The following RCOR3 variants were observed in gnomAD, a reference collection of about 807,000 sequenced individuals.
The protein encoded by RCOR3 is REST corepressor 3.
RCOR3 carries 13 observed loss-of-function variants against 64.1 expected under a neutral mutation model. That is an observed-to-expected ratio of 0.20 (90% confidence interval 0.13 to 0.32). The LOEUF (loss-of-function observed/expected upper bound fraction) is 0.32. Among genes scored for constraint, RCOR3 ranks in the 10% least tolerant of loss-of-function variants. RCOR3 has a pLI of 1.00. For synonymous variants in RCOR3, 215 were observed against 239.0 expected, an observed-to-expected ratio of 0.90 and a Z score of 0.93; for missense variants, 489 against 701.2, an observed-to-expected ratio of 0.70 and a Z score of 3.42.
At chr1:211,291,913 G>C (rs1699285471) in intron 8 of RCOR3, among the ~76,000 whole-genome samples, 1 of 152,144 alleles carries the variant, frequency 6.6e-6, no homozygotes, top group East Asian at 1.9e-4. Flanking sequence ...GAGGCCAGGA[G>C]TTTGACACCA....
chr1:211,303,002 G>A (rs1225851807), intron 9 of RCOR3: 2 of 151,376 alleles, frequency 1.3e-5, no homozygotes, highest in Non-Finnish European at 2.9e-5. Context: ...CATAGTTTTT[G>A]TCCTATTCTC....
chr1:211,288,434 T>C (rs1698818788), intron 7 of RCOR3, among the ~76,000 whole-genome samples: 1 of 147,254 alleles, frequency 6.8e-6, no homozygotes, highest in Admixed American at 6.8e-5. Context: ...TTTTATTTTA[T>C]TTATATTTTT....
intron 7 of RCOR3, among the ~76,000 whole-genome samples, chr1:211,280,635 G>A (rs776547621): frequency 6.6e-5 from 10 of 151,850 alleles, no homozygotes; most frequent in Admixed American, 5.3e-4. Context: ...TTTGTCTTTC[G>A]CATATTTTCA....
chr1:211,290,475 A>G (rs1190376735), intron 8 of RCOR3, among the ~76,000 whole-genome samples: 3 of 152,190 alleles, frequency 2.0e-5, no homozygotes, highest in Admixed American at 6.5e-5. Context: ...ACTACTGCCC[A>G]TTTAGGCTCT....
At chr1:211,301,310 C>T (rs879582017) in intron 9 of RCOR3, among the ~76,000 whole-genome samples, 7 of 152,072 alleles carry the variant, frequency 4.6e-5, no homozygotes, top group South Asian at 2.1e-4. Context: ...CTCACCTTCC[C>T]ACATCTCCCA....
intron 8 of RCOR3, among the ~76,000 whole-genome samples, chr1:211,295,310 C>T (rs1699754265): frequency 6.6e-6 from 1 of 152,050 alleles, no homozygotes; most frequent in Admixed American, 6.6e-5. Context: ...TAAATGTTAG[C>T]TACCATCATC....
chr1:211,308,670 T>G (rs1191582559), intron 10 of RCOR3, among the ~76,000 whole-genome samples: 16 of 26,250 alleles, frequency 6.1e-4, no homozygotes, highest in South Asian at 1.7e-3. Context: ...TGTTTTTTTT[T>G]TTGTTTTTTT....
intron 7 of RCOR3, among the ~76,000 whole-genome samples, chr1:211,280,501 C>G (rs1697624530): frequency 6.6e-6 from 1 of 152,172 alleles, no homozygotes; most frequent in Non-Finnish European, 1.5e-5. Context: ...GTTGAATGAA[C>G]AGTCTTGGGC....
Position 211,279,272 on chromosome 1 carries a change from G to A in RCOR3, c.676G>A (p.Gly226Arg). 1.2e-6 allele frequency: 2 copies of A among 1,612,240 alleles called. No homozygotes were observed. The highest frequency in any genetic ancestry group is 2.2e-5 in the South Asian group (2 of 90,788). Reference sequence around the variant, plus strand: ...TGTAGAAGAAACACATCCAATGGATGGGAATGATAGTGATTATGATCCCAA... The same window carrying A: ...TGTAGAAGAAACACATCCAATGGATAGGAATGATAGTGATTATGATCCCAA... ...DDVEETHPMD[G>R]NDSDYDPKKE... The change falls in exon 7 of 12, where the codon GGG becomes AGG. Residue 226 changes from glycine to arginine, a missense_variant. Transcript: ENST00000419091.
Position 211,289,371 on chromosome 1 carries a change from T to C in RCOR3, c.914T>C (p.Met305Thr), listed in dbSNP as rs1410633783. The C allele has an allele frequency of 6.2e-7, 1 of 1,613,922 alleles. No homozygotes were observed. Among genetic ancestry groups the C allele is most frequent in the Non-Finnish European group, 8.5e-7 (1 of 1,179,906 alleles). ...AANTILRQLDMELISLKRQVQ... is the reference protein window; with the variant it reads ...AANTILRQLDTELISLKRQVQ... ...AACACCATCCTGAGGCAACTGGACA[T>C]GGAGTTGATCTCTCTAAAACGTCAG... Residue 305 changes from methionine (M) to threonine (T), a missense_variant, in exon 8 of 12, where the codon ATG (methionine) becomes ACG (threonine). Transcript: ENST00000419091.
In RCOR3 at chr1:211,314,600, G is replaced by T. The variant is rs981197255; in HGVS notation, c.*832G>T. On this transcript the variant is annotated 3_prime_UTR_variant, in exon 12 of 12. Coordinates refer to ENST00000419091, the MANE Select transcript of RCOR3 (RefSeq NM_001136223.3). ...TTTAAGTTCCTTGAAAATGGAGTTG[G>T]TTTTTTTTGTTTCTAAATGCTATCT... 6 of 151,776 alleles carry T rather than the reference G, an allele frequency of 4.0e-5. No individual in the cohort carries two copies. Among genetic ancestry groups the T allele is most frequent in the Non-Finnish European group, 5.9e-5 (4 of 67,914 alleles). The allele number at this position is 151,776 out of a possible 1,614,324, so 9.4% of individuals were successfully genotyped here.
chr1:211,277,106 C>A (rs1330909190), intron 5 of RCOR3, among the ~76,000 whole-genome samples: 5 of 148,958 alleles, frequency 3.4e-5, no homozygotes, highest in African/African-American at 7.4e-5. Context: ...ACAAAAAAAA[C>A]AAAAAAACAA....
rs187939362 is a variant in RCOR3, at chr1:211,288,312, A to G, written c.721-866A>G. 3.3e-5 allele frequency among the ~76,000 whole-genome samples: 5 copies of G among 151,590 alleles called. No individual in the cohort carries two copies. The East Asian group carries it at 5.8e-4, about 18-fold the overall frequency. On this transcript the variant is annotated intron_variant, in intron 7 of 11. Coordinates refer to ENST00000419091, the MANE Select transcript of RCOR3 (RefSeq NM_001136223.3). ...TTCTTTCAGAATAACGTGTTTTTAT[A>G]TCATACTTTAAGAACAACTTATAAT...
intron 3 of RCOR3, among the ~76,000 whole-genome samples, chr1:211,273,527 A>C (rs971459295): frequency 6.6e-6 from 1 of 152,222 alleles, no homozygotes; most frequent in Non-Finnish European, 1.5e-5. Context: ...TTCACATAAA[A>C]CTGAGTTCTG....
intron 2 of RCOR3, among the ~76,000 whole-genome samples, chr1:211,268,044 G>A (rs1048088300): frequency 4.6e-5 from 7 of 152,190 alleles, no homozygotes; most frequent in African/African-American, 1.4e-4. Flanking sequence ...ATGATATGCC[G>A]TTAAGACTTG....
chr1:211,272,669 T>C (rs1696393145), intron 3 of RCOR3, among the ~76,000 whole-genome samples: 1 of 110,810 alleles, frequency 9.0e-6, no homozygotes. Flanking sequence ...TCGCCCAGGC[T>C]GGAGTGCAGT....
chr1:211,288,421 AT>A (rs1250271074), intron 7 of RCOR3, among the ~76,000 whole-genome samples: 1 of 147,126 alleles, frequency 6.8e-6, no homozygotes, highest in African/African-American at 2.5e-5. Context: ...CATATATATT[AT>A]TTTTTATTTT....
At chr1:211,288,520 TAATA>T (rs1698841348) in intron 7 of RCOR3, among the ~76,000 whole-genome samples, 1 of 145,598 alleles carries the variant, frequency 6.9e-6, no homozygotes, top group South Asian at 2.1e-4. Context: ...AATATATTTA[TAATA>T]AATTTATAAA....
rs534144093 is a variant in RCOR3 at position 211,315,518 on chromosome 1, T to C, written c.*1750T>C. 6.6e-6 allele frequency: 1 copy of C among 152,340 alleles called. No individual in the cohort carries two copies. Among genetic ancestry groups the C allele is most frequent in the Non-Finnish European group, 1.5e-5 (1 of 68,022 alleles). The allele number at this position is 152,340 out of a possible 1,614,324, so 9.4% of individuals were successfully genotyped here. A position where few individuals can be genotyped will look rare whatever the true frequency, so the allele number is the denominator to read the frequency against. On this transcript the variant is annotated 3_prime_UTR_variant, in exon 12 of 12. Transcript: ENST00000419091. ...ATTTAAAATTCTTAATATTCAAGAA[T>C]TTATACTTATTTTTTCCTTAAAAGC...
Sources: gnomAD v4.1 joint callset for allele counts (sites outside exome capture counted in the v4.1 genomes callset) on GRCh38, gnomAD v4.1.1 for gene constraint, MANE v1.5 for transcripts, NCBI Gene and HGNC (gene_info 2026-07-23, HGNC 2026-07-21) for gene names.